Variants in HAL observed in about 807,000 individuals in gnomAD.
HAL encodes the protein histidase.
Under a neutral mutation model 81.1 loss-of-function variants are expected in HAL, and 85 were observed. The observed-to-expected ratio is 1.05, with a 90% CI of 0.88 to 1.25. The LOEUF (loss-of-function observed/expected upper bound fraction) is 1.25, where lower values mean the gene tolerates loss of function less well. Among genes scored for constraint, HAL ranks in the 50% most tolerant of loss-of-function variants. HAL has a pLI of 0.00. For synonymous variants in HAL, 301 were observed against 309.2 expected, an observed-to-expected ratio of 0.97 and a Z score of 0.28; for missense variants, 798 against 836.6, an observed-to-expected ratio of 0.95 and a Z score of 0.57.
intron 15 of HAL, among the ~76,000 whole-genome samples, chr12:95,982,154 C>G (rs1231051334): frequency 6.6e-6 from 1 of 152,136 alleles, no homozygotes; most frequent in African/African-American, 2.4e-5. Context: ...TAGATTAAAA[C>G]AATTAGAATT....
chr12:95,985,988 T>C (rs774373337), intron 13 of HAL, 22 bp from the exon 14 acceptor site: 3 of 1,603,734 alleles, frequency 1.9e-6, no homozygotes, highest in Non-Finnish European at 2.6e-6. Context: ...GTGGAGGGGA[T>C]GAGACAGGGA....
chr12:95,977,527 C>G (rs146920498), intron 18 of HAL, among the ~76,000 whole-genome samples: 173 of 149,958 alleles, frequency 1.2e-3, no homozygotes, highest in African/African-American at 4.0e-3. Flanking sequence ...CCTGAGGTGT[C>G]AGTTACTTAG....
chr12:95,976,607 G>C lies in HAL; in HGVS notation c.1754C>G (p.Ser585Cys), dbSNP rs201632329. 478 of 1,605,654 alleles carry C rather than the reference G, an allele frequency of 3.0e-4. 1 individual carries two copies. Among genetic ancestry groups the C allele is most frequent in the South Asian group, 2.2e-3 (198 of 90,926 alleles). Reference protein sequence around the residue: ...PLEKVYDLVRSVVRPWIKDRF... With the variant: ...PLEKVYDLVRCVVRPWIKDRF... ...ACCTGTTTGATCTTACCTTACAACAGAGCGCACCAGGTCATAGACCTTCTC... is the reference window on the plus strand; with the variant it reads ...ACCTGTTTGATCTTACCTTACAACACAGCGCACCAGGTCATAGACCTTCTC... Residue 585 changes from serine (S) to cysteine (C), a missense_variant, in exon 19 of 21, where the codon TCT becomes TGT. Transcript: ENST00000261208.
intron 14 of HAL, 78 bp from the exon 15 acceptor site, chr12:95,984,069 GATCTT>G (rs1949847105): frequency 1.3e-6 from 1 of 759,772 alleles, no homozygotes; most frequent in East Asian, 2.6e-5. Flanking sequence ...GAATATAGAA[GATCTT>G]ATCTTAAAGT....
chr12:95,977,589 G>A (rs1192041278), intron 18 of HAL, among the ~76,000 whole-genome samples: 1 of 134,708 alleles, frequency 7.4e-6, no homozygotes, highest in Non-Finnish European at 1.5e-5. Flanking sequence ...GCTGCAGTGA[G>A]CTATTGTTGC....
chr12:95,984,926 T>C (rs1949860848), intron 14 of HAL, among the ~76,000 whole-genome samples: 2 of 152,336 alleles, frequency 1.3e-5, no homozygotes, highest in South Asian at 4.1e-4. Context: ...GAGGACTCTC[T>C]ATTACACCAT....
chr12:95,976,846 T>C, intron 18 of HAL, 140 bp from the exon 19 acceptor site: 1 of 708,908 alleles, frequency 1.4e-6, no homozygotes, highest in Non-Finnish European at 2.6e-6. Context: ...ATGAAGTTGC[T>C]TTGGTATTTA....
chr12:95,986,760 C>T (rs1006851340), intron 12 of HAL, among the ~76,000 whole-genome samples: 16 of 152,094 alleles, frequency 1.1e-4, no homozygotes, highest in Admixed American at 9.2e-4. Context: ...CTCCTTTTTA[C>T]AGGACTCCTA....
Position 95,985,977 on chromosome 12 carries a change from G to A in HAL, c.1148-11C>T. The stretch of plus-strand genomic sequence containing the variant: ...AGAACCTGTGACTCTCTGTGGAAGA[G>A]GTGGAGGGGATGAGACAGGGATCAT... On this transcript the variant is annotated splice_polypyrimidine_tract_variant and intron_variant, in intron 13 of 20. Transcript: ENST00000261208. The A allele has an allele frequency of 6.2e-7, 1 of 1,609,390 alleles. No homozygotes were observed. The highest frequency in any genetic ancestry group is 1.3e-5 in the African/African-American group (1 of 74,886).
At chr12:95,990,205 G>C in intron 10 of HAL, 188 bp downstream of exon 10, 1 of 659,314 alleles carries the variant, frequency 1.5e-6, no homozygotes, top group East Asian at 2.8e-5. Flanking sequence ...GCTGACAGCC[G>C]AGTATAGAAG....
rs201945541 is a variant in HAL at position 95,990,383 on chromosome 12, C to A, written c.855+10G>T. On this transcript the variant is annotated intron_variant, in intron 10 of 20. Transcript: ENST00000261208. ...CAATTGCTGCAGATAGAAGCTGCTA[C>A]GAGTCTTACGTATTTAGCATCAGCC... 2 of 1,610,570 alleles carry A rather than the reference C, an allele frequency of 1.2e-6. No homozygotes were observed. The highest frequency in any genetic ancestry group is 1.7e-6 in the Non-Finnish European group (2 of 1,176,714).
At position 95,979,225 on chromosome 12, in the gene HAL, C is replaced by T. The variant is rs756382515; in HGVS notation, c.1520-1147G>A. On this transcript the variant is annotated intron_variant, in intron 17 of 20. Coordinates refer to ENST00000261208, the MANE Select transcript of HAL (RefSeq NM_002108.4). ...ATCAATGACTACTCCCCCACTACTA[C>T]GTTATTGTGAGAAATTTCTACCTGT... Among the ~76,000 whole-genome samples the T allele has an allele frequency of 5.9e-5, 9 of 152,124 alleles. No homozygotes were observed. In the South Asian group the frequency reaches 8.3e-4, roughly 14 times the overall value.
chr12:95,977,860 G>A (rs2080741105), intron 18 of HAL, 84 bp downstream of exon 18: 1 of 1,417,896 alleles, frequency 7.1e-7, no homozygotes, highest in African/African-American at 1.4e-5. Context: ...TGATGCTGAT[G>A]TTGCTGGTGG....
intron 20 of HAL, among the ~76,000 whole-genome samples, chr12:95,975,348 T>TTTC (rs1491428458): frequency 7.6e-5 from 6 of 79,038 alleles, no homozygotes; most frequent in African/African-American, 2.2e-4. Context: ...CTCTTTTTTC[T>TTTC]TTTTTTTTTT....
intron 17 of HAL, among the ~76,000 whole-genome samples, chr12:95,979,838 A>G (rs2080769756): frequency 6.6e-6 from 1 of 152,248 alleles, no homozygotes; most frequent in Admixed American, 6.5e-5. Flanking sequence ...TAGCTGTGCA[A>G]TATTGGGCAA....
chr12:95,976,525 AG>A, intron 19 of HAL, 27 bp from the exon 20 acceptor site: 1 of 1,611,664 alleles, frequency 6.2e-7, no homozygotes, highest in African/African-American at 1.3e-5. Flanking sequence ...TCCGCCCATC[AG>A]CCAAACATGA....
Position 95,993,479 on chromosome 12 carries a change from C to A in HAL, c.561G>T (p.Gln187His). The A allele has an allele frequency of 6.2e-7, 1 of 1,600,598 alleles. No homozygotes were observed. Among genetic ancestry groups the A allele is most frequent in the Non-Finnish European group, 8.6e-7 (1 of 1,167,600 alleles). The change falls in exon 8 of 21, where the codon CAG becomes CAT. Residue 187 changes from glutamine (Q) to histidine (H), a missense_variant. Physicochemically the swap from Gln to His is conservative, Grantham distance 24. Coordinates refer to ENST00000261208, the MANE Select transcript of HAL (RefSeq NM_002108.4). ...VIPINKLQEL[Q>H]VNLVRSHSSG... Reference sequence around the variant, plus strand: ...AAGAATGTGAGCGTACTAAGTTGACCTGAAGCTCCCTGCAACAGAAAGGTA... The same window carrying A: ...AAGAATGTGAGCGTACTAAGTTGACATGAAGCTCCCTGCAACAGAAAGGTA...
At chr12:95,990,371 T>G (rs375664999) in intron 10 of HAL, 22 bp downstream of exon 10, 2 of 1,606,854 alleles carry the variant, frequency 1.2e-6, no homozygotes, top group Non-Finnish European at 1.7e-6. Flanking sequence ...TTGCTGCAGA[T>G]AGAAGCTGCT....
rs35144639 is a variant in HAL at position 95,990,384 on chromosome 12, G to A, written c.855+9C>T. 2,623 of 1,610,460 alleles carry A rather than the reference G, an allele frequency of 1.6e-3. 6 individuals carry two copies. The highest frequency in any genetic ancestry group is 9.1e-3 in the African/African-American group (683 of 74,976). Reference sequence around the variant, plus strand: ...AATTGCTGCAGATAGAAGCTGCTACGAGTCTTACGTATTTAGCATCAGCCC... The same window carrying A: ...AATTGCTGCAGATAGAAGCTGCTACAAGTCTTACGTATTTAGCATCAGCCC... On this transcript the variant is annotated intron_variant, in intron 10 of 20. Coordinates refer to ENST00000261208, the MANE Select transcript of HAL (RefSeq NM_002108.4).
Sources: gnomAD v4.1 joint callset for allele counts (sites outside exome capture counted in the v4.1 genomes callset) on GRCh38, gnomAD v4.1.1 for gene constraint, MANE v1.5 for transcripts, NCBI Gene and HGNC (gene_info 2026-07-23, HGNC 2026-07-21) for gene names.